GATA4: variants seen among roughly 807,000 people sequenced by gnomAD.
GATA4 encodes the protein transcription factor GATA-4.
GATA4 carries 7 observed loss-of-function variants against 37.9 expected under a neutral mutation model. The ratio of observed to expected loss-of-function variants is 0.18; its 90% CI spans 0.11 to 0.35. The LOEUF is 0.35. GATA4 is among the 10% of genes least tolerant of loss of function. GATA4 has a pLI of 1.00. For synonymous variants in GATA4, 372 were observed against 292.6 expected (o/e 1.27, Z -2.77); for missense variants, 647 against 653.0 (o/e 0.99, Z 0.10).
chr8:11,679,108 T>A (rs1798870060), intron 1 of GATA4, among the ~76,000 whole-genome samples: 1 of 146,274 alleles, frequency 6.8e-6, no homozygotes, highest in Non-Finnish European at 1.5e-5. Flanking sequence ...AGGGTTAAAT[T>A]CAAGCCATCA....
intron 2 of GATA4, among the ~76,000 whole-genome samples, chr8:11,713,644 A>G (rs920450993): frequency 6.6e-6 from 1 of 152,116 alleles, no homozygotes; most frequent in South Asian, 2.1e-4. Context: ...AAGCAAAAAA[A>G]AAAAAGAAAA....
chr8:11,751,685 C>G (rs1802312861), intron 4 of GATA4, among the ~76,000 whole-genome samples: 1 of 152,146 alleles, frequency 6.6e-6, no homozygotes, highest in Admixed American at 6.5e-5. Flanking sequence ...CAGAAGCTGC[C>G]CAGATAGCCA....
At chr8:11,677,443 T>G (rs1203022079) in intron 1 of GATA4, among the ~76,000 whole-genome samples, 1 of 152,210 alleles carries the variant, frequency 6.6e-6, no homozygotes, top group Non-Finnish European at 1.5e-5. Flanking sequence ...AGGAAAAACC[T>G]AAATAAATAC....
chr8:11,703,699 G>T (rs1160564327), upstream of GATA4, among the ~76,000 whole-genome samples: 1 of 152,232 alleles, frequency 6.6e-6, no homozygotes, highest in Non-Finnish European at 1.5e-5. Flanking sequence ...AGGCAGTCTG[G>T]GTGTCTCCTG....
intron 6 of GATA4, among the ~76,000 whole-genome samples, chr8:11,757,875 T>G (rs768932311): frequency 6.6e-6 from 1 of 152,180 alleles, no homozygotes; most frequent in Non-Finnish European, 1.5e-5. Context: ...GGAGGCCGTG[T>G]CTTAGTGAGC....
At chr8:11,720,138 C>G (rs1206168453) in intron 2 of GATA4, among the ~76,000 whole-genome samples, 10 of 151,604 alleles carry the variant, frequency 6.6e-5, no homozygotes, top group Admixed American at 2.0e-4. Flanking sequence ...GACTCACTGC[C>G]TCTCTCTGCT....
At chr8:11,697,967 CG>C (rs1358493865) in intron 1 of GATA4, 56 of 985,348 alleles carry the variant, frequency 5.7e-5, no homozygotes, top group Non-Finnish European at 6.6e-5. Flanking sequence ...GCTCCAGCCG[CG>C]GGTGTCCCTA....
In GATA4 at chr8:11,708,916, C is replaced by G. The variant is rs932094561; in HGVS notation, c.604C>G (p.His202Asp). ...CGGCCGGGCCAACCCGGCCGCCCGA[C>G]ACCCCAATCTCGGTGAGTAGGAGCG... ...LPGRANPAARHPNLVDMFDDF... is the reference protein window; with the variant it reads ...LPGRANPAARDPNLVDMFDDF... The change falls in exon 2 of 7, where the codon CAC (histidine) becomes GAC (aspartate). Residue 202 changes from histidine to aspartate, a missense_variant. Transcript: ENST00000532059. The surrounding 1 kb of genome is among the most constrained non-coding windows in gnomAD (Gnocchi z 6.7). 1 of 1,527,532 alleles carries G rather than the reference C, an allele frequency of 6.5e-7. No individual in the cohort carries two copies. Among genetic ancestry groups the G allele is most frequent in the Non-Finnish European group, 8.7e-7 (1 of 1,143,560 alleles). The allele number at this position is 1,527,532 out of a possible 1,614,324, so 94.6% of individuals were successfully genotyped here.
At chr8:11,738,305 C>A (rs1000050236) in intron 2 of GATA4, among the ~76,000 whole-genome samples, 1 of 152,038 alleles carries the variant, frequency 6.6e-6, no homozygotes, top group African/African-American at 2.4e-5. Context: ...AAGACACCTC[C>A]CTGGAAACAA....
chr8:11,683,610 G>A (rs1018770804), intron 1 of GATA4, among the ~76,000 whole-genome samples: 2 of 152,186 alleles, frequency 1.3e-5, no homozygotes, highest in Non-Finnish European at 2.9e-5. Context: ...CCTCTGCGCT[G>A]GGCGTTATGC....
At chr8:11,738,477 G>C (rs908877839) in intron 2 of GATA4, among the ~76,000 whole-genome samples, 1 of 152,168 alleles carries the variant, frequency 6.6e-6, no homozygotes, top group African/African-American at 2.4e-5. Context: ...TTCCATATCA[G>C]TACATCAAGA....
intron 2 of GATA4, among the ~76,000 whole-genome samples, chr8:11,745,403 G>T (rs1393033961): frequency 3.6e-5 from 4 of 110,234 alleles, no homozygotes; most frequent in African/African-American, 1.2e-4. Context: ...GTGAGAGCTT[G>T]TCTCTACCAA....
intron 4 of GATA4, among the ~76,000 whole-genome samples, chr8:11,753,018 A>C (rs73666007): frequency 0.028 from 4,214 of 152,322 alleles, 182 homozygotes; most frequent in African/African-American, 0.096. Context: ...AAAATAAAAA[A>C]ATAGAATTAC....
intron 6 of GATA4, 37 bp downstream of exon 6, chr8:11,757,120 G>A (rs372430039): frequency 7.5e-6 from 12 of 1,610,552 alleles, no homozygotes; most frequent in African/African-American, 1.3e-5. Context: ...GCTGTTTGTG[G>A]GGAGGCCGAC....
At chr8:11,681,445 A>G (rs1798967598) in intron 1 of GATA4, 1 of 981,416 alleles carries the variant, frequency 1.0e-6, no homozygotes, top group Non-Finnish European at 1.2e-6. Context: ...ATCCCCGCGC[A>G]GACGCCGGAA....
At chr8:11,683,708 G>A (rs1430613352) in intron 1 of GATA4, among the ~76,000 whole-genome samples, 1 of 152,168 alleles carries the variant, frequency 6.6e-6, no homozygotes, top group Non-Finnish European at 1.5e-5. Flanking sequence ...TTTCAGTCCC[G>A]CAACTGCTCA....
At chr8:11,724,272 T>C (rs1800812011) in intron 2 of GATA4, among the ~76,000 whole-genome samples, 1 of 152,244 alleles carries the variant, frequency 6.6e-6, no homozygotes, top group Non-Finnish European at 1.5e-5. Flanking sequence ...CCGCCATTTT[T>C]ACATGGGTGA....
intron 2 of GATA4, among the ~76,000 whole-genome samples, chr8:11,729,011 T>A (rs1031346028): frequency 6.6e-6 from 1 of 151,862 alleles, no homozygotes; most frequent in African/African-American, 2.4e-5. Flanking sequence ...GGTGGGAGGA[T>A]CACTTGAGGT....
At chr8:11,705,523 T>C (rs912908596) in intron 1 of GATA4, among the ~76,000 whole-genome samples, 2 of 152,168 alleles carry the variant, frequency 1.3e-5, no homozygotes. Context: ...GCGCATTTCC[T>C]GTTGGCCTGC....
Sources: allele counts gnomAD v4.1 joint callset (sites outside exome capture counted in the v4.1 genomes callset), GRCh38; gene constraint gnomAD v4.1.1; non-coding constraint Gnocchi (gnomAD v3.1); transcripts MANE v1.5; gene names NCBI Gene and HGNC (gene_info 2026-07-23, HGNC 2026-07-21).